Variants in TNFAIP8 observed in about 807,000 individuals in gnomAD.
TNFAIP8 encodes the protein tumor necrosis factor alpha-induced protein 8.
A neutral mutation model predicts 13.3 loss-of-function variants in TNFAIP8; 7 were observed. The observed-to-expected ratio is 0.52, with a 90% CI of 0.30 to 0.99. The LOEUF is 0.99. Among genes scored for constraint, TNFAIP8 ranks in the 50% least tolerant of loss-of-function variants. The pLI is 0.07. For missense variants in TNFAIP8, 258 were observed against 236.9 expected (o/e 1.09, Z -0.58); for synonymous variants, 94 against 87.6 (o/e 1.07, Z -0.41).
chr5:119,349,401 C>T (rs1391789556), intron 1 of TNFAIP8, among the ~76,000 whole-genome samples: 2 of 152,178 alleles, frequency 1.3e-5, no homozygotes, highest in Non-Finnish European at 2.9e-5. Flanking sequence ...TCTTATTGTA[C>T]AGATGTGCAA....
chr5:119,381,762 G>A (rs541668159), intron 1 of TNFAIP8, among the ~76,000 whole-genome samples: 67 of 151,834 alleles, frequency 4.4e-4, no homozygotes, highest in Non-Finnish European at 5.3e-4. Context: ...GTGAAACCCC[G>A]TCTCTACTAA....
At chr5:119,281,864 A>G (rs570247983) in intron 1 of TNFAIP8, among the ~76,000 whole-genome samples, 1 of 152,308 alleles carries the variant, frequency 6.6e-6, no homozygotes, top group South Asian at 2.1e-4. Context: ...CCTAATTTCA[A>G]GTTGATAAAA....
chr5:119,277,525 C>G (rs2150801920), intron 1 of TNFAIP8, among the ~76,000 whole-genome samples: 1 of 152,282 alleles, frequency 6.6e-6, no homozygotes. Flanking sequence ...TCCAGCTCTC[C>G]TCTTATAAGG....
At chr5:119,361,895 T>G (rs1171830852) in intron 1 of TNFAIP8, among the ~76,000 whole-genome samples, 3 of 152,204 alleles carry the variant, frequency 2.0e-5, no homozygotes, top group Non-Finnish European at 4.4e-5. Context: ...TGCTGCTGCC[T>G]TCTTTGAGCC....
intron 1 of TNFAIP8, among the ~76,000 whole-genome samples, chr5:119,378,023 A>G (rs1191255620): frequency 2.6e-5 from 4 of 152,224 alleles, no homozygotes; most frequent in Non-Finnish European, 5.9e-5. Flanking sequence ...TTGTTGTCAT[A>G]TGAGAACGTG....
At position 119,394,532 on chromosome 5, in the gene TNFAIP8, C is replaced by A. The variant is rs911184643; in HGVS notation, c.*1151C>A. The stretch of plus-strand genomic sequence containing the variant: ...TATTTTGTAAAAAAGAAATGAAAAT[C>A]TGCTGGCCAGCTATGTCCTCTAGGA... On this transcript the variant is annotated 3_prime_UTR_variant, in exon 2 of 2. Transcript: ENST00000504771. 6.6e-6 allele frequency: 1 copy of A among 151,040 alleles called. No individual in the cohort carries two copies. Among genetic ancestry groups the A allele is most frequent in the African/African-American group, 2.4e-5 (1 of 40,984 alleles). The allele number at this position is 151,040 out of a possible 1,614,324, so 9.4% of individuals were successfully genotyped here.
rs191373200 is a variant in TNFAIP8 at position 119,359,823 on chromosome 5, G to T, written c.31+3702G>T. On this transcript the variant is annotated intron_variant, in intron 1 of 1. Coordinates refer to ENST00000504771, the MANE Select transcript of TNFAIP8 (RefSeq NM_014350.4). The stretch of plus-strand genomic sequence containing the variant: ...TGGTTCAGCTCTGATGAAACCAAGG[G>T]GTATAGCTGACCTTGATGTCATACA... 2.6e-4 allele frequency among the ~76,000 whole-genome samples: 39 copies of T among 152,312 alleles called. No homozygotes were observed. In the East Asian group the frequency reaches 6.7e-3, roughly 26 times the overall value.
intron 1 of TNFAIP8, among the ~76,000 whole-genome samples, chr5:119,321,088 G>T (rs1257585471): frequency 3.3e-5 from 5 of 152,094 alleles, no homozygotes; most frequent in African/African-American, 1.2e-4. Context: ...GTGGTGGCCG[G>T]TGCCTGTAGT....
chr5:119,375,478 C>T (rs1015099146), intron 1 of TNFAIP8, among the ~76,000 whole-genome samples: 10 of 152,188 alleles, frequency 6.6e-5, no homozygotes, highest in Non-Finnish European at 1.2e-4. Context: ...TGTTATGTTA[C>T]TTGCCAAAGT....
chr5:119,369,250 C>T (rs1751987625), intron 1 of TNFAIP8, among the ~76,000 whole-genome samples: 1 of 152,046 alleles, frequency 6.6e-6, no homozygotes, highest in Admixed American at 6.6e-5. Context: ...GATGGGATTT[C>T]ACCATGTTGG....
chr5:119,321,634 G>T (rs898277310), intron 1 of TNFAIP8, among the ~76,000 whole-genome samples: 2 of 152,116 alleles, frequency 1.3e-5, no homozygotes, highest in African/African-American at 4.8e-5. Flanking sequence ...TCACCTGGCA[G>T]CAAGTTCTTT....
chr5:119,315,188 T>G (rs992385511), intron 1 of TNFAIP8, among the ~76,000 whole-genome samples: 1 of 152,080 alleles, frequency 6.6e-6, no homozygotes, highest in Non-Finnish European at 1.5e-5. Flanking sequence ...GTTCTCACCA[T>G]TCTCCTGCTT....
At chr5:119,376,529 T>G (rs1166611692) in intron 1 of TNFAIP8, among the ~76,000 whole-genome samples, 1 of 152,198 alleles carries the variant, frequency 6.6e-6, no homozygotes, top group Non-Finnish European at 1.5e-5. Context: ...TTATTTCGGT[T>G]GTTTTATAAA....
chr5:119,297,427 T>C (rs930940262), intron 1 of TNFAIP8, among the ~76,000 whole-genome samples: 2 of 152,216 alleles, frequency 1.3e-5, no homozygotes, highest in African/African-American at 4.8e-5. Context: ...TGAGTGAGTT[T>C]CTTAATCCTG....
rs913509971 is a variant in TNFAIP8 at position 119,395,284 on chromosome 5, G to A, written c.*1903G>A. On this transcript the variant is annotated 3_prime_UTR_variant, in exon 2 of 2. Transcript: ENST00000504771. ...TAAATGGAATTCAGCAGCCTTCCTT[G>A]ACCAGCTGTTTTCCTCACATGTGAA... The A allele has an allele frequency of 6.6e-6, 1 of 152,256 alleles. No individual in the cohort carries two copies. The highest frequency in any genetic ancestry group is 1.5e-5 in the Non-Finnish European group (1 of 68,092). 9.4% of individuals were successfully genotyped at this position (152,256 alleles called of 1,614,324 possible).
At chr5:119,288,199 C>G (rs1308543434) in intron 1 of TNFAIP8, among the ~76,000 whole-genome samples, 2 of 152,180 alleles carry the variant, frequency 1.3e-5, no homozygotes, top group Non-Finnish European at 2.9e-5. Flanking sequence ...AGAATATACA[C>G]AGTTTAATGT....
rs1437307775 is a variant in TNFAIP8 at position 119,292,669 on chromosome 5, T to TATAC, written c.1+23765_1+23766insCATA. Among the ~76,000 whole-genome samples the TATAC allele has an allele frequency of 4.5e-4, 20 of 44,166 alleles. 2 individuals are homozygous for TATAC. The highest frequency in any genetic ancestry group is 1.2e-3 in the Non-Finnish European group (20 of 16,748). The allele number at this position is 44,166 out of a possible 152,430, so 29.0% of individuals were successfully genotyped here. On this transcript the variant is annotated intron_variant, in intron 1 of 1. Transcript: ENST00000274456. ...GCATATATATATATATATATATATA[T>TATAC]ATATATATATATATATACACACACA...
intron 1 of TNFAIP8, among the ~76,000 whole-genome samples, chr5:119,295,512 A>G (rs1340490332): frequency 1.3e-5 from 2 of 151,996 alleles, no homozygotes; most frequent in Admixed American, 6.5e-5. Context: ...TACCAGTACC[A>G]TGCTGTTTTG....
At chr5:119,277,652 G>T (rs1364870820) in intron 1 of TNFAIP8, among the ~76,000 whole-genome samples, 2 of 152,190 alleles carry the variant, frequency 1.3e-5, no homozygotes, top group African/African-American at 4.8e-5. Flanking sequence ...TAAGTCTTCA[G>T]CATATGAACT....
Sources: gnomAD v4.1 joint callset for allele counts (sites outside exome capture counted in the v4.1 genomes callset) on GRCh38, gnomAD v4.1.1 for gene constraint, MANE v1.5 for transcripts, NCBI Gene and HGNC (gene_info 2026-07-23, HGNC 2026-07-21) for gene names.